The following COG7 variants were observed in gnomAD, a reference collection of about 807,000 sequenced individuals.
COG7 encodes component of oligomeric golgi complex 7, also known as conserved oligomeric Golgi complex subunit 7.
In COG7, 49 loss-of-function variants were observed where a neutral mutation model predicts 91.5. That is an observed-to-expected ratio of 0.54 (90% CI 0.43 to 0.68). The LOEUF (loss-of-function observed/expected upper bound fraction) is 0.68, where lower values mean the gene tolerates loss of function less well. Ranked by LOEUF, COG7 falls within the 30% of genes least tolerant of loss-of-function variation. The pLI, the probability that COG7 is intolerant of heterozygous loss-of-function variation, is 0.00. For missense variants in COG7, 895 were observed against 961.3 expected, an observed-to-expected ratio of 0.93 and a Z score of 0.91; for synonymous variants, 365 against 388.7, an observed-to-expected ratio of 0.94 and a Z score of 0.72.
In COG7 at chr16:23,434,590, T is replaced by C. The variant is rs368642523; in HGVS notation, c.687+46A>G. 6.7e-6 allele frequency: 9 copies of C among 1,349,378 alleles called. No homozygotes were observed. In the East Asian group the frequency reaches 9.2e-5, roughly 14 times the overall value. 83.6% of individuals were successfully genotyped at this position (1,349,378 alleles called of 1,614,324 possible). ...CCTGCGATTCTGTGACCCAGAGTTA[T>C]GAGCATTCCACAACTGCACAACTGT... On this transcript the variant is annotated intron_variant, in intron 5 of 16. Transcript: ENST00000307149.
At chr16:23,450,227 C>T (rs986755489) in intron 1 of COG7, among the ~76,000 whole-genome samples, 10 of 152,144 alleles carry the variant, frequency 6.6e-5, no homozygotes, top group East Asian at 5.8e-4. Flanking sequence ...TGAGCCACTG[C>T]GCCCAGCCAA....
At chr16:23,428,320 G>A (rs1201858919) in intron 6 of COG7, among the ~76,000 whole-genome samples, 2 of 151,976 alleles carry the variant, frequency 1.3e-5, no homozygotes, top group Non-Finnish European at 2.9e-5. Context: ...CTGCACTTCA[G>A]CCTGGGTGAC....
At chr16:23,435,302 G>C (rs1963997282) in intron 4 of COG7, among the ~76,000 whole-genome samples, 1 of 152,122 alleles carries the variant, frequency 6.6e-6, no homozygotes. Context: ...GGGAGGCAGA[G>C]GTTGCAGTGA....
chr16:23,445,191 T>C, intron 2 of COG7, 27 bp from the exon 3 acceptor site: 1 of 1,507,964 alleles, frequency 6.6e-7, no homozygotes, highest in Non-Finnish European at 9.2e-7. Flanking sequence ...GGGTGAAAAA[T>C]GAAGGGGTAG....
intron 4 of COG7, 60 bp downstream of exon 4, chr16:23,442,417 T>G (rs987780208): frequency 2.7e-6 from 4 of 1,489,486 alleles, no homozygotes; most frequent in Non-Finnish European, 3.7e-6. Flanking sequence ...AACTGAAGAC[T>G]TACAAGGCCT....
At position 23,449,072 on chromosome 16, in the gene COG7, A is replaced by ATT. The variant is rs1320755482; in HGVS notation, c.170-3112_170-3111insAA. 2.0e-5 allele frequency among the ~76,000 whole-genome samples: 3 copies of ATT among 152,216 alleles called. No homozygotes were observed. The East Asian group carries it at 5.8e-4, about 29-fold the overall frequency. On this transcript the variant is annotated intron_variant, in intron 1 of 16. Coordinates refer to ENST00000307149, the MANE Select transcript of COG7 (RefSeq NM_153603.4). ...CACCCCTTTAATGCAACAACTAAAA[A>ATT]AGCTCCCACAGCCAGGCGCAGTGGC...
chr16:23,396,081 G>T (rs1242339240), intron 14 of COG7, among the ~76,000 whole-genome samples: 2 of 152,248 alleles, frequency 1.3e-5, no homozygotes, highest in Admixed American at 1.3e-4. Context: ...AAGGAGGGCT[G>T]CCACACCTGT....
intron 4 of COG7, 41 bp downstream of exon 4, chr16:23,442,436 T>A: frequency 6.3e-7 from 1 of 1,591,812 alleles, no homozygotes; most frequent in African/African-American, 1.3e-5. Flanking sequence ...CTTATCTTTA[T>A]AGAGAGATAT....
intron 1 of COG7, among the ~76,000 whole-genome samples, chr16:23,448,910 C>T (rs572422637): frequency 6.6e-6 from 1 of 152,188 alleles, no homozygotes; most frequent in African/African-American, 2.4e-5. Context: ...ATTAGATAAC[C>T]ATGCCCAAAA....
intron 4 of COG7, among the ~76,000 whole-genome samples, chr16:23,441,437 T>G (rs1964099478): frequency 6.6e-6 from 1 of 152,072 alleles, no homozygotes; most frequent in Non-Finnish European, 1.5e-5. Context: ...TAGCCAGGTG[T>G]GGTGGCGCAC....
At chr16:23,411,709 G>T (rs1963565150) in intron 10 of COG7, among the ~76,000 whole-genome samples, 1 of 152,066 alleles carries the variant, frequency 6.6e-6, no homozygotes, top group Non-Finnish European at 1.5e-5. Context: ...AACGGCCTTG[G>T]GTGGGTCTGG....
chr16:23,446,004 G>T, intron 1 of COG7, 43 bp from the exon 2 acceptor site: 3 of 1,589,678 alleles, frequency 1.9e-6, no homozygotes, highest in African/African-American at 1.4e-5. Context: ...AACAGCGATA[G>T]CCACAAAAGG....
At chr16:23,395,172 A>C (rs982393620) in intron 14 of COG7, among the ~76,000 whole-genome samples, 2 of 152,184 alleles carry the variant, frequency 1.3e-5, no homozygotes, top group African/African-American at 4.8e-5. Flanking sequence ...TCATGTACTT[A>C]GTATAATCTT....
chr16:23,429,145 A>T (rs1359502940), intron 6 of COG7, among the ~76,000 whole-genome samples: 1 of 151,906 alleles, frequency 6.6e-6, no homozygotes, highest in Non-Finnish European at 1.5e-5. Context: ...ATGTGCCACC[A>T]CGCCCAACTA....
At chr16:23,414,467 A>G (rs907637961) in intron 9 of COG7, 1 of 152,348 alleles carries the variant, frequency 6.6e-6, no homozygotes, top group Non-Finnish European at 1.5e-5. Flanking sequence ...TGTCTCTACA[A>G]AGAATACAAA....
intron 1 of COG7, among the ~76,000 whole-genome samples, chr16:23,451,625 C>A (rs978845405): frequency 1.3e-5 from 2 of 149,844 alleles, no homozygotes; most frequent in African/African-American, 2.5e-5. Context: ...GAGGCTGAGG[C>A]GAGCGGACTG....
intron 4 of COG7, among the ~76,000 whole-genome samples, chr16:23,440,350 G>A (rs1237383464): frequency 1.3e-5 from 2 of 150,164 alleles, no homozygotes; most frequent in African/African-American, 2.5e-5. Context: ...TCCACCCTGG[G>A]TGACAGAATG....
At chr16:23,426,834 A>AAAAAAGAAAG (rs1555495229) in intron 6 of COG7, among the ~76,000 whole-genome samples, 13 of 146,126 alleles carry the variant, frequency 8.9e-5, no homozygotes, top group African/African-American at 3.1e-4. Context: ...AAAAAAAAAA[A>AAAAAAGAAAG]AAAGAAAGAA....
intron 14 of COG7, among the ~76,000 whole-genome samples, chr16:23,394,070 A>C (rs1031598984): frequency 2.0e-5 from 3 of 152,018 alleles, no homozygotes; most frequent in Non-Finnish European, 4.4e-5. Context: ...AAAAAAAAAA[A>C]AAACCTGTCT....
Sources: gnomAD v4.1 joint callset for allele counts (sites outside exome capture counted in the v4.1 genomes callset) on GRCh38, gnomAD v4.1.1 for gene constraint, MANE v1.5 for transcripts, NCBI Gene and HGNC (gene_info 2026-07-23, HGNC 2026-07-21) for gene names.